Variants in GUCY2C observed in about 807,000 individuals in gnomAD.
GUCY2C encodes the protein guanylate cyclase 2C, also known as guanylyl cyclase C.
Under a neutral mutation model 131.1 loss-of-function variants are expected in GUCY2C, and 118 were observed. The observed-to-expected ratio is 0.90, with a 90% confidence interval of 0.78 to 1.05. GUCY2C has a LOEUF of 1.05. GUCY2C is among the 50% of genes least tolerant of loss of function. The probability of loss-of-function intolerance (pLI) is 0.00; values close to 1 mark genes in which losing one functional copy is unlikely to be tolerated. For missense variants in GUCY2C, 1,161 were observed against 1,304.4 expected, an observed-to-expected ratio of 0.89 and a Z score of 1.69; for synonymous variants, 452 against 457.8, an observed-to-expected ratio of 0.99 and a Z score of 0.16.
At chr12:14,626,302 C>G (rs1261609629) in intron 20 of GUCY2C, among the ~76,000 whole-genome samples, 3 of 152,058 alleles carry the variant, frequency 2.0e-5, no homozygotes, top group Non-Finnish European at 4.4e-5. Context: ...GCCTGGGTGA[C>G]AGAGTGAGAC....
chr12:14,623,750 T>C (rs1022286086), intron 21 of GUCY2C, among the ~76,000 whole-genome samples: 1 of 151,720 alleles, frequency 6.6e-6, no homozygotes, highest in Admixed American at 6.6e-5. Flanking sequence ...TGAGTTCTCA[T>C]GAGATCTAGT....
rs2111179 is a variant in GUCY2C, at chr12:14,676,601, T to C, written c.948+253A>G. On this transcript the variant is annotated intron_variant, in intron 7 of 26. Transcript: ENST00000261170. ...TATTGTTACTTTCATGCCAATGTGG[T>C]GGATGTGTCCACTGTTGTACTGTTC... Among the ~76,000 whole-genome samples, 150,528 of 152,308 alleles carry C rather than the reference T, an allele frequency of 0.99. 74,400 individuals are homozygous for C. Among genetic ancestry groups the C allele is most frequent in the Middle Eastern group, 1 (294 of 294 alleles).
chr12:14,638,155 A>G (rs902096461), intron 19 of GUCY2C, among the ~76,000 whole-genome samples: 4 of 152,230 alleles, frequency 2.6e-5, no homozygotes, highest in Admixed American at 2.6e-4. Context: ...GCAAGTCAAA[A>G]CCACAATGAG....
intron 1 of GUCY2C, among the ~76,000 whole-genome samples, chr12:14,690,536 T>TTTTTTC (rs1274957364): frequency 6.6e-6 from 1 of 152,090 alleles, no homozygotes; most frequent in Non-Finnish European, 1.5e-5. Flanking sequence ...GATGTTCTTT[T>TTTTTTC]TTTTTCTTTT....
intron 20 of GUCY2C, among the ~76,000 whole-genome samples, chr12:14,628,350 T>C (rs1947065909): frequency 6.6e-6 from 1 of 152,152 alleles, no homozygotes; most frequent in Non-Finnish European, 1.5e-5. Flanking sequence ...AAATCCTAAT[T>C]ACCCACAGAA....
At chr12:14,615,741 G>T (rs547253873) in intron 25 of GUCY2C, among the ~76,000 whole-genome samples, 1 of 151,986 alleles carries the variant, frequency 6.6e-6, no homozygotes, top group East Asian at 1.9e-4. Context: ...CTATTTTGGG[G>T]TAAGTGTTCT....
intron 18 of GUCY2C, 45 bp downstream of exon 18, chr12:14,641,037 G>T (rs765855590): frequency 5.0e-6 from 8 of 1,593,498 alleles, no homozygotes; most frequent in African/African-American, 1.3e-5. Context: ...TAGAAAGCAG[G>T]TTGGCTCACT....
In GUCY2C at chr12:14,664,947, C is replaced by T. The variant is rs942146225; in HGVS notation, c.1283-3885G>A. On this transcript the variant is annotated intron_variant, in intron 10 of 26. Coordinates refer to ENST00000261170, the MANE Select transcript of GUCY2C (RefSeq NM_004963.4). ...AATAAGCCCTGAGGGGGCGCGGTGT[C>T]TCACACCTGTAATCCCAGCACTTTG... Among the ~76,000 whole-genome samples the T allele has an allele frequency of 2.6e-5, 4 of 152,120 alleles. No homozygotes were observed. In the East Asian group the frequency reaches 7.7e-4, roughly 29 times the overall value.
intron 1 of GUCY2C, among the ~76,000 whole-genome samples, chr12:14,693,522 T>G (rs1336034642): frequency 2.0e-5 from 3 of 152,242 alleles, no homozygotes; most frequent in Non-Finnish European, 4.4e-5. Context: ...ACGCTTGAAC[T>G]TTTACTTTTC....
intron 15 of GUCY2C, among the ~76,000 whole-genome samples, chr12:14,648,590 T>G (rs774893221): frequency 3.1e-4 from 47 of 152,090 alleles, no homozygotes; most frequent in Non-Finnish European, 5.6e-4. Flanking sequence ...ATCCTCTTTG[T>G]TTTTTTTCCC....
At chr12:14,685,152 T>A (rs1233639332) in intron 3 of GUCY2C, among the ~76,000 whole-genome samples, 1 of 152,184 alleles carries the variant, frequency 6.6e-6, no homozygotes, top group South Asian at 2.1e-4. Context: ...TCATAAATGG[T>A]GAATCAATTT....
intron 8 of GUCY2C, 48 bp downstream of exon 8, chr12:14,674,577 G>A: frequency 6.3e-7 from 1 of 1,578,768 alleles, no homozygotes; most frequent in Non-Finnish European, 8.7e-7. Flanking sequence ...CACTCAGAAA[G>A]CCTACATTTC....
At chr12:14,631,174 T>C (rs1260015932) in intron 19 of GUCY2C, among the ~76,000 whole-genome samples, 1 of 152,228 alleles carries the variant, frequency 6.6e-6, no homozygotes, top group African/African-American at 2.4e-5. Flanking sequence ...TCTATTTTTA[T>C]CCCACAAGGA....
chr12:14,683,765 G>T (rs1367934635), intron 3 of GUCY2C, among the ~76,000 whole-genome samples: 3 of 152,108 alleles, frequency 2.0e-5, no homozygotes, highest in African/African-American at 4.8e-5. Context: ...TCCATCAAAA[G>T]GTTTTAGTGG....
intron 3 of GUCY2C, 60 bp downstream of exon 3, chr12:14,686,101 G>T: frequency 1.9e-6 from 2 of 1,027,142 alleles, no homozygotes; most frequent in Non-Finnish European, 3.1e-6. Flanking sequence ...ACTGTTGTTT[G>T]ATGAGTCCTT....
intron 8 of GUCY2C, chr12:14,674,284 C>A: frequency 3.0e-6 from 1 of 335,924 alleles, no homozygotes; most frequent in South Asian, 2.9e-5. Context: ...TGGAAGGACC[C>A]AAATCAAACT....
intron 24 of GUCY2C, among the ~76,000 whole-genome samples, chr12:14,618,656 C>T (rs572618375): frequency 4.9e-4 from 75 of 151,758 alleles, no homozygotes; most frequent in Non-Finnish European, 6.2e-4. Context: ...TAAAAATTAT[C>T]TGGATGTGCT....
At chr12:14,623,908 C>A (rs1253829078) in intron 21 of GUCY2C, among the ~76,000 whole-genome samples, 9 of 152,184 alleles carry the variant, frequency 5.9e-5, no homozygotes, top group African/African-American at 2.2e-4. Flanking sequence ...CCCTGTGGAA[C>A]TGTGAGTTAT....
chr12:14,696,536 G>T lies in GUCY2C; in HGVS notation c.-88C>A. ...GGGAGGCAGGGAATCCAGATGGACA[G>T]CCTCTAGTGGAGTCCCTCAGCCCAC... On this transcript the variant is annotated 5_prime_UTR_variant, in exon 1 of 27. The change creates a new upstream start codon in the 5' untranslated region. Transcript: ENST00000261170. 3.2e-6 allele frequency: 3 copies of T among 941,942 alleles called. No homozygotes were observed. In the South Asian group the frequency reaches 4.3e-5, roughly 13 times the overall value. 58.3% of individuals were successfully genotyped at this position (941,942 alleles called of 1,614,324 possible). A position where few individuals can be genotyped will look rare whatever the true frequency, so the allele number is the denominator to read the frequency against.
Sources: allele counts gnomAD v4.1 joint callset (sites outside exome capture counted in the v4.1 genomes callset), GRCh38; gene constraint gnomAD v4.1.1; transcripts MANE v1.5; gene names NCBI Gene and HGNC (gene_info 2026-07-23, HGNC 2026-07-21).